WIPI1: variants seen among roughly 807,000 people sequenced by gnomAD.
WIPI1 encodes WD repeat domain, phosphoinositide interacting 1.
WIPI1 carries 45 observed loss-of-function variants against 55.3 expected under a neutral mutation model. That is an observed-to-expected ratio of 0.81 (90% CI 0.64 to 1.04). The LOEUF (loss-of-function observed/expected upper bound fraction) is 1.04, where lower values mean the gene tolerates loss of function less well. Among genes scored for constraint, WIPI1 ranks in the 50% least tolerant of loss-of-function variants. The probability of loss-of-function intolerance (pLI) is 0.00; values close to 1 mark genes in which losing one functional copy is unlikely to be tolerated. For synonymous variants in WIPI1, 195 were observed against 217.6 expected (o/e 0.90, Z 0.92); for missense variants, 445 against 559.0 (o/e 0.80, Z 2.06).
At position 68,435,663 on chromosome 17, in the gene WIPI1, G is replaced by A. The variant is rs770158414; in HGVS notation, c.578C>T (p.Thr193Ile). ...TAGTTTGGAGCCTGAGGCATTGAAG[G>A]TGATGGCAGCTAGTGTTCCCTCATG... ...AAHEGTLAAITFNASGSKLAS... is the reference protein window; with the variant it reads ...AAHEGTLAAIIFNASGSKLAS... The change falls in exon 6 of 13, where the codon ACC becomes ATC. Residue 193 changes from threonine (T) to isoleucine (I), a missense_variant. Transcript: ENST00000262139. 1 of 1,614,246 alleles carries A rather than the reference G, an allele frequency of 6.2e-7. No homozygotes were observed. The highest frequency in any genetic ancestry group is 1.1e-5 in the South Asian group (1 of 91,090).
At chr17:68,424,356 C>T (rs766487520) in intron 12 of WIPI1, 3 of 498,728 alleles carry the variant, frequency 6.0e-6, no homozygotes, top group Non-Finnish European at 4.2e-6. Context: ...TGCAGGGCCC[C>T]ACCGCAGCTT....
chr17:68,446,642 G>A (rs982364423), intron 3 of WIPI1, among the ~76,000 whole-genome samples: 3 of 152,176 alleles, frequency 2.0e-5, no homozygotes, highest in Non-Finnish European at 4.4e-5. Flanking sequence ...AGCACATGCC[G>A]TGGTTAGAAC....
chr17:68,424,307 C>T lies in WIPI1; in HGVS notation c.1293+1768G>A, dbSNP rs763276694. 16 of 421,962 alleles carry T rather than the reference C, an allele frequency of 3.8e-5. No homozygotes were observed. The East Asian group carries it at 4.4e-4, about 12-fold the overall frequency. 26.1% of individuals were successfully genotyped at this position (421,962 alleles called of 1,614,324 possible). On this transcript the variant is annotated intron_variant, in intron 12 of 12. Coordinates refer to ENST00000262139, the MANE Select transcript of WIPI1 (RefSeq NM_017983.7). Reference sequence around the variant, plus strand: ...TCACGCTGCGACCGACCCGCAGAGCCGATGTGGGAAATCACAAAACAACAG... The same window carrying T: ...TCACGCTGCGACCGACCCGCAGAGCTGATGTGGGAAATCACAAAACAACAG...
At chr17:68,437,067 A>G (rs2083845207) in intron 4 of WIPI1, among the ~76,000 whole-genome samples, 1 of 145,726 alleles carries the variant, frequency 6.9e-6, no homozygotes, top group Non-Finnish European at 1.5e-5. Context: ...ATTTTACCCC[A>G]GGACTCTGAA....
intron 10 of WIPI1, chr17:68,427,614 T>C (rs2083285410): frequency 5.5e-6 from 1 of 183,148 alleles, no homozygotes; most frequent in Non-Finnish European, 1.1e-5. Context: ...GCCAACTCTG[T>C]GGGTTTAAAT....
chr17:68,448,668 G>A (rs144424588), intron 3 of WIPI1, among the ~76,000 whole-genome samples: 11 of 152,202 alleles, frequency 7.2e-5, no homozygotes, highest in African/African-American at 7.2e-5. Context: ...TGAGGGTTCC[G>A]GTCTTTACAG....
chr17:68,436,092 G>C (rs1168269446), intron 5 of WIPI1, among the ~76,000 whole-genome samples: 1 of 152,258 alleles, frequency 6.6e-6, no homozygotes, highest in African/African-American at 2.4e-5. Flanking sequence ...ACTGTCTCAG[G>C]CTGTGGCATG....
At chr17:68,438,601 T>C (rs1235999139) in intron 4 of WIPI1, among the ~76,000 whole-genome samples, 2 of 152,172 alleles carry the variant, frequency 1.3e-5, no homozygotes, top group Admixed American at 6.5e-5. Flanking sequence ...TCAGCACATA[T>C]GTTTTGCTTT....
chr17:68,442,149 A>G lies in WIPI1; in HGVS notation c.430+2344T>C, dbSNP rs7213807. Reference sequence around the variant, plus strand: ...TGAGTTTTCTGAACTACAGAAAAACAACTATATTTGCTAAAAAATAAGAGT... The same window carrying G: ...TGAGTTTTCTGAACTACAGAAAAACGACTATATTTGCTAAAAAATAAGAGT... On this transcript the variant is annotated intron_variant, in intron 4 of 12. Transcript: ENST00000262139. 4.1e-3 allele frequency among the ~76,000 whole-genome samples: 619 copies of G among 152,304 alleles called. 7 individuals carry two copies. The highest frequency in any genetic ancestry group is 0.014 in the African/African-American group (585 of 41,546).
intron 12 of WIPI1, 133 bp from the exon 13 acceptor site, chr17:68,421,953 C>T (rs539924630): frequency 1.9e-5 from 21 of 1,103,858 alleles, no homozygotes; most frequent in South Asian, 1.1e-4. Flanking sequence ...TCTGTCTGAA[C>T]TCGCTCATGG....
intron 4 of WIPI1, among the ~76,000 whole-genome samples, 190 bp downstream of exon 4, chr17:68,444,303 C>T (rs1471942727): frequency 1.3e-5 from 2 of 152,188 alleles, no homozygotes; most frequent in Non-Finnish European, 2.9e-5. Context: ...GGCACACAGC[C>T]CCCCTGCAGG....
At chr17:68,426,254 G>GGGGGCCCCCCCCGC in intron 11 of WIPI1, 79 bp from the exon 12 acceptor site, 1 of 816,924 alleles carries the variant, frequency 1.2e-6, no homozygotes. Context: ...GGGAGCGGGG[G>GGGGGCCCCCCCCGC]CTCAAATAAA....
At position 68,444,564 on chromosome 17, in the gene WIPI1, G is replaced by T; in HGVS notation, c.359C>A (p.Ser120Tyr). ...GTCTTTAATGTTGTGAATATAAATGGACTCTTCTAGGCAAACCAGCAGCCT... is the reference window on the plus strand; with the variant it reads ...GTCTTTAATGTTGTGAATATAAATGTACTCTTCTAGGCAAACCAGCAGCCT... ...RQRLLVCLEE[S>Y]IYIHNIKDMK... Residue 120 changes from serine to tyrosine, a missense_variant, in exon 4 of 13, where the codon TCC (serine) becomes TAC (tyrosine). Coordinates refer to ENST00000262139, the MANE Select transcript of WIPI1 (RefSeq NM_017983.7). 2 of 1,613,914 alleles carry T rather than the reference G, an allele frequency of 1.2e-6. No individual in the cohort carries two copies. Among genetic ancestry groups the T allele is most frequent in the Non-Finnish European group, 1.7e-6 (2 of 1,179,974 alleles).
intron 12 of WIPI1, chr17:68,424,387 C>T (rs1007725770): frequency 1.9e-6 from 1 of 527,066 alleles, no homozygotes; most frequent in South Asian, 1.4e-5. Context: ...GCCAAATGTG[C>T]TCACTAGAGG....
chr17:68,446,833 A>G (rs1237677908), intron 3 of WIPI1, among the ~76,000 whole-genome samples: 1 of 152,136 alleles, frequency 6.6e-6, no homozygotes, highest in Non-Finnish European at 1.5e-5. Context: ...TGATGGCACC[A>G]TCTGCTCTGC....
In WIPI1 at chr17:68,433,760, G is replaced by GTTTTTTT. The variant is rs556777098; in HGVS notation, c.693-192_693-186dup. ...TCAGAAAGATTCACAAAGGGTCATA[G>GTTTTTTT]TTTTTTTTTTTTTTTTTTTTTTTTT... On this transcript the variant is annotated intron_variant, in intron 7 of 12. Transcript: ENST00000262139. 6.2e-4 allele frequency among the ~76,000 whole-genome samples: 45 copies of GTTTTTTT among 72,818 alleles called. 4 individuals are homozygous for GTTTTTTT. The highest frequency in any genetic ancestry group is 1.2e-3 in the African/African-American group (19 of 15,264). 47.8% of individuals were successfully genotyped at this position (72,818 alleles called of 152,430 possible).
At chr17:68,447,881 T>C (rs947713661) in intron 3 of WIPI1, among the ~76,000 whole-genome samples, 4 of 150,116 alleles carry the variant, frequency 2.7e-5, no homozygotes, top group African/African-American at 9.8e-5. Context: ...TAGTCCCAGC[T>C]ACTTGGGAGG....
intron 10 of WIPI1, 200 bp downstream of exon 10, chr17:68,428,628 CT>C (rs767056425): frequency 3.7e-6 from 2 of 536,418 alleles, no homozygotes; most frequent in Non-Finnish European, 6.7e-6. Flanking sequence ...AATCCTGGCA[CT>C]TTTCCAGATG....
chr17:68,435,464 A>G (rs1272016887), intron 6 of WIPI1, among the ~76,000 whole-genome samples, 156 bp downstream of exon 6: 1 of 152,230 alleles, frequency 6.6e-6, no homozygotes, highest in Non-Finnish European at 1.5e-5. Context: ...TATACCACAC[A>G]TGCAGAGGCC....
Sources: gnomAD v4.1 joint callset for allele counts (sites outside exome capture counted in the v4.1 genomes callset) on GRCh38, gnomAD v4.1.1 for gene constraint, MANE v1.5 for transcripts, NCBI Gene and HGNC (gene_info 2026-07-23, HGNC 2026-07-21) for gene names.